TP53I13: variants seen among roughly 807,000 people sequenced by gnomAD.
The protein encoded by TP53I13 is tumor protein p53-inducible protein 13.
A neutral mutation model predicts 39.1 loss-of-function variants in TP53I13; 27 were observed. That is an observed-to-expected ratio of 0.69 (90% CI 0.51 to 0.95). The LOEUF is 0.95. Among genes scored for constraint, TP53I13 ranks in the 40% least tolerant of loss-of-function variants. The probability of loss-of-function intolerance (pLI) is 0.00; values close to 1 mark genes in which losing one functional copy is unlikely to be tolerated. For missense variants in TP53I13, 544 were observed against 520.4 expected, an observed-to-expected ratio of 1.05 and a Z score of -0.44; for synonymous variants, 230 against 224.6, an observed-to-expected ratio of 1.02 and a Z score of -0.22.
intron 4 of TP53I13, 26 bp downstream of exon 4, chr17:29,571,745 C>A: frequency 6.2e-7 from 1 of 1,613,978 alleles, no homozygotes; most frequent in Non-Finnish European, 8.5e-7. Flanking sequence ...AAGGCGCTTG[C>A]CTGGCCCTGG....
At chr17:29,575,598 G>A (rs771597748), downstream of TP53I13, 10 of 1,600,984 alleles carry the variant, frequency 6.2e-6, no homozygotes, top group Non-Finnish European at 7.7e-6. The surrounding 1 kb of genome is among the most constrained non-coding windows in gnomAD (Gnocchi z 5.5). Context: ...CGGCATGTGA[G>A]CAGGCTGGAC....
Position 29,572,807 on chromosome 17 carries a change from C to G in TP53I13, c.1070-5C>G, listed in dbSNP as rs760188525. 6.5e-7 allele frequency: 1 copy of G among 1,534,288 alleles called. No individual in the cohort carries two copies. Among genetic ancestry groups the G allele is most frequent in the Non-Finnish European group, 8.7e-7 (1 of 1,144,266 alleles). On this transcript the variant is annotated splice_polypyrimidine_tract_variant and splice_region_variant and intron_variant, in intron 6 of 6. Coordinates refer to ENST00000301057, the MANE Select transcript of TP53I13 (RefSeq NM_138349.4). Reference sequence around the variant, plus strand: ...GCCCTTGACTGCTCGGCGCCCGGCCCACAGCTGTGCTGAAGCGGAGGCTGC... The same window carrying G: ...GCCCTTGACTGCTCGGCGCCCGGCCGACAGCTGTGCTGAAGCGGAGGCTGC...
In TP53I13 at chr17:29,572,435, T is replaced by C; in HGVS notation, c.807T>C (p.Ala269=). ...PGGNASSRTE[A]QVPNGQGSPG... ...GCAATGCCAGCTCCAGGACAGAGGCTCAGGTGCCCAACGGGCAAGGCAGCC... is the reference window on the plus strand; with the variant it reads ...GCAATGCCAGCTCCAGGACAGAGGCCCAGGTGCCCAACGGGCAAGGCAGCC... Residue 269 remains alanine (A), a synonymous_variant, in exon 6 of 7, where the codon GCT becomes GCC. Transcript: ENST00000301057. 1.3e-6 allele frequency: 2 copies of C among 1,581,292 alleles called. No homozygotes were observed. The highest frequency in any genetic ancestry group is 1.7e-6 in the Non-Finnish European group (2 of 1,160,514).
chr17:29,569,204 T>G, intron 2 of TP53I13, 114 bp from the exon 3 acceptor site: 1 of 1,484,514 alleles, frequency 6.7e-7, no homozygotes, highest in Non-Finnish European at 9.2e-7. Flanking sequence ...TCCTCAGTCC[T>G]CAGTAGCCAA....
downstream of TP53I13, chr17:29,575,381 A>G: frequency 1.2e-6 from 2 of 1,613,686 alleles, no homozygotes; most frequent in Non-Finnish European, 1.7e-6. The surrounding 1 kb of genome is among the most constrained non-coding windows in gnomAD (Gnocchi z 5.5). Flanking sequence ...TGTGCTGGGA[A>G]GCCCAGGATC....
At chr17:29,576,272 C>T (rs1567769206), downstream of TP53I13, 1 of 1,611,616 alleles carries the variant, frequency 6.2e-7, no homozygotes, top group Non-Finnish European at 8.5e-7. Flanking sequence ...AGGGGGGCCC[C>T]CAAAGGGCTT....
the TP53I13 span, chr17:29,579,158 C>A: frequency 3.2e-6 from 2 of 629,814 alleles, no homozygotes; most frequent in South Asian, 3.8e-5. Context: ...CCCTCCTCCT[C>A]TGGCTTGCTC....
chr17:29,578,803 T>TTGGGAGGAGAGGAGAGACC, the TP53I13 span: 1 of 1,612,504 alleles, frequency 6.2e-7, no homozygotes, highest in East Asian at 2.2e-5. Flanking sequence ...GAGATGGGAA[T>TTGGGAGGAGAGGAGAGACC]TGGGAGGAGA....
intron 3 of TP53I13, 56 bp from the exon 4 acceptor site, chr17:29,571,535 G>C: frequency 1.2e-6 from 2 of 1,603,120 alleles, no homozygotes; most frequent in Non-Finnish European, 1.7e-6. Flanking sequence ...GGGAGAACTT[G>C]AGATTCTCTG....
chr17:29,579,171 C>G, the TP53I13 span: 2 of 612,136 alleles, frequency 3.3e-6, no homozygotes, highest in Non-Finnish European at 5.9e-6. Flanking sequence ...GCTTGCTCTT[C>G]CTCTCAGTGA....
upstream of TP53I13, chr17:29,566,876 G>A (rs1567758290): frequency 1.0e-5 from 15 of 1,499,404 alleles, no homozygotes; most frequent in African/African-American, 1.5e-5. Flanking sequence ...CCGACGGCGC[G>A]CCCCCAGGGT....
chr17:29,573,269 T>C (rs368186346), downstream of TP53I13: 456 of 243,230 alleles, frequency 1.9e-3, 6 homozygotes, highest in African/African-American at 9.9e-3. Context: ...AACCTGTCCC[T>C]GGACATGGGG....
At chr17:29,575,031 C>G, downstream of TP53I13, 1 of 1,508,358 alleles carries the variant, frequency 6.6e-7, no homozygotes, top group Non-Finnish European at 9.1e-7. This position sits in a 1 kb window ranked among gnomAD's most constrained non-coding sequence, Gnocchi z 5.5. Context: ...CCACGCCTGC[C>G]CCAGCTCGAG....
intron 3 of TP53I13, chr17:29,569,728 A>T (rs1417745605): frequency 4.1e-6 from 1 of 245,858 alleles, no homozygotes; most frequent in African/African-American, 2.2e-5. Flanking sequence ...AGCTTTCTGT[A>T]GGAGAGGGTA....
At position 29,568,886 on chromosome 17, in the gene TP53I13, A is replaced by C; in HGVS notation, c.72+56A>C. 1 of 1,598,978 alleles carries C rather than the reference A, an allele frequency of 6.3e-7. No homozygotes were observed. Among genetic ancestry groups the C allele is most frequent in the East Asian group, 2.2e-5 (1 of 44,802 alleles). On this transcript the variant is annotated intron_variant, in intron 1 of 6. Transcript: ENST00000301057. This position sits in a 1 kb window ranked among gnomAD's most constrained non-coding sequence, Gnocchi z 4.5. The stretch of plus-strand genomic sequence containing the variant: ...GCCCGCGAGCTCAAAGCGCTTTGCC[A>C]AAAGTTCGTCCTGGAAGGAGTGGCG...
At chr17:29,572,743 C>G (rs1389405086) in intron 6 of TP53I13, 46 bp downstream of exon 6, 4 of 1,489,248 alleles carry the variant, frequency 2.7e-6, no homozygotes, top group Non-Finnish European at 3.6e-6. Context: ...CGCCCCACCT[C>G]GCGTCGCCCG....
downstream of TP53I13, chr17:29,577,281 G>A (rs778839833): frequency 1.3e-4 from 203 of 1,570,080 alleles, no homozygotes; most frequent in Non-Finnish European, 1.7e-4. Context: ...TGGCTTCAGG[G>A]GACCCCTTAT....
At chr17:29,576,235 C>T (rs777724627), downstream of TP53I13, 7 of 1,608,226 alleles carry the variant, frequency 4.4e-6, no homozygotes, top group South Asian at 6.6e-5. Flanking sequence ...TGTGGAAAGG[C>T]TGCAGCCGCG....
At chr17:29,581,321 A>C in the TP53I13 span, 1 of 1,598,638 alleles carries the variant, frequency 6.3e-7, no homozygotes, top group Non-Finnish European at 8.6e-7. This position sits in a 1 kb window ranked among gnomAD's most constrained non-coding sequence, Gnocchi z 4.8. Context: ...GGAAAGGGGC[A>C]TCAGGTGGGC....
Sources: allele counts gnomAD v4.1 joint callset, GRCh38; gene constraint gnomAD v4.1.1; non-coding constraint Gnocchi (gnomAD v3.1); transcripts MANE v1.5; gene names NCBI Gene and HGNC (gene_info 2026-07-23, HGNC 2026-07-21).